Variants in ULK4 observed in about 807,000 individuals in gnomAD.
ULK4 encodes the protein unc-51 like kinase 4.
In ULK4, 133 loss-of-function variants were observed where a neutral mutation model predicts 160.6. The observed-to-expected ratio is 0.83, with a 90% confidence interval of 0.72 to 0.96. ULK4 has a LOEUF of 0.96. ULK4 is among the 40% of genes least tolerant of loss of function. The pLI is 0.00. For missense variants in ULK4, 1,580 were observed against 1,499.5 expected (o/e 1.05, Z -0.89); for synonymous variants, 534 against 539.8 (o/e 0.99, Z 0.15).
At chr3:41,859,394 A>C (rs544958980) in intron 17 of ULK4, 4 of 566,336 alleles carry the variant, frequency 7.1e-6, no homozygotes, top group African/African-American at 1.9e-5. Flanking sequence ...TCATTTGTCA[A>C]CTGTGGTCCA....
chr3:41,750,971 AAAGAGAGAGAGAG>A (rs1559526715), intron 22 of ULK4, among the ~76,000 whole-genome samples: 1 of 137,458 alleles, frequency 7.3e-6, no homozygotes, highest in Admixed American at 7.0e-5. Context: ...CAAAAAAAAA[AAAGAGAGAGAGAG>A]AAAGAGAGAG....
At chr3:41,833,369 C>G (rs2041656735) in intron 18 of ULK4, among the ~76,000 whole-genome samples, 1 of 151,394 alleles carries the variant, frequency 6.6e-6, no homozygotes, top group Non-Finnish European at 1.5e-5. Flanking sequence ...AATCTCGGCT[C>G]ACTGCAAACT....
At chr3:41,325,157 C>T (rs1474058633) in intron 35 of ULK4, among the ~76,000 whole-genome samples, 1 of 152,102 alleles carries the variant, frequency 6.6e-6, no homozygotes, top group Non-Finnish European at 1.5e-5. Flanking sequence ...TGACATCATA[C>T]GCTCAGTCCC....
At chr3:41,805,895 A>G (rs2040627790) in intron 19 of ULK4, among the ~76,000 whole-genome samples, 1 of 146,560 alleles carries the variant, frequency 6.8e-6, no homozygotes. Flanking sequence ...CCAGTATTTT[A>G]TTGAGGATTT....
intron 32 of ULK4, among the ~76,000 whole-genome samples, chr3:41,471,332 G>C (rs189934809): frequency 6.6e-6 from 1 of 152,192 alleles, no homozygotes; most frequent in East Asian, 1.9e-4. Flanking sequence ...CCCAACATCA[G>C]AGCACCAAAA....
At chr3:41,803,849 T>C (rs2040550330) in intron 19 of ULK4, among the ~76,000 whole-genome samples, 1 of 152,264 alleles carries the variant, frequency 6.6e-6, no homozygotes, top group Non-Finnish European at 1.5e-5. Context: ...TATTCCATGC[T>C]GTATATGTGC....
chr3:41,374,262 A>G (rs1014100770), intron 35 of ULK4, among the ~76,000 whole-genome samples: 1 of 152,218 alleles, frequency 6.6e-6, no homozygotes, highest in South Asian at 2.1e-4. Flanking sequence ...ACAGAAAAAG[A>G]GGGAATCCTC....
At chr3:41,596,420 G>C (rs1469886606) in intron 31 of ULK4, among the ~76,000 whole-genome samples, 1 of 152,192 alleles carries the variant, frequency 6.6e-6, no homozygotes, top group African/African-American at 2.4e-5. Flanking sequence ...AGATGAGTAA[G>C]ATACAGGGAA....
chr3:41,250,635 A>G (rs933324094), intron 35 of ULK4, among the ~76,000 whole-genome samples: 1 of 152,192 alleles, frequency 6.6e-6, no homozygotes, highest in African/African-American at 2.4e-5. Flanking sequence ...ACATTTTTTA[A>G]TCAACCACTC....
chr3:41,304,645 C>T (rs2079868791), intron 35 of ULK4, among the ~76,000 whole-genome samples: 1 of 152,206 alleles, frequency 6.6e-6, no homozygotes, highest in Non-Finnish European at 1.5e-5. Context: ...TAACCAATCA[C>T]CACTACTGCT....
intron 30 of ULK4, among the ~76,000 whole-genome samples, chr3:41,643,833 G>A (rs1325589545): frequency 6.6e-6 from 1 of 152,156 alleles, no homozygotes; most frequent in Non-Finnish European, 1.5e-5. Flanking sequence ...AGCATGGAAT[G>A]TTCTTCCATT....
At chr3:41,936,280 T>C in intron 3 of ULK4, among the ~76,000 whole-genome samples, 1 of 152,228 alleles carries the variant, frequency 6.6e-6, no homozygotes. Flanking sequence ...ATGCAAAGTA[T>C]AGTATCGTTT....
At chr3:41,648,026 C>T (rs1331306599) in intron 30 of ULK4, among the ~76,000 whole-genome samples, 2 of 152,332 alleles carry the variant, frequency 1.3e-5, no homozygotes, top group African/African-American at 2.4e-5. Context: ...TCTCGTGGTG[C>T]GCCATTTTTT....
At chr3:41,817,743 C>A (rs986614038) in intron 19 of ULK4, among the ~76,000 whole-genome samples, 2 of 152,100 alleles carry the variant, frequency 1.3e-5, no homozygotes, top group African/African-American at 2.4e-5. Flanking sequence ...AACAAACCTG[C>A]ACATGTACCC....
At chr3:41,890,584 G>A (rs113941228) in intron 16 of ULK4, among the ~76,000 whole-genome samples, 18,680 of 150,856 alleles carry the variant, frequency 0.12, 1,337 homozygotes, top group Middle Eastern at 0.27. Context: ...GGAGGCTGAG[G>A]CAGGAGAATC....
intron 33 of ULK4, among the ~76,000 whole-genome samples, chr3:41,458,510 G>A (rs2083606523): frequency 6.6e-6 from 1 of 152,020 alleles, no homozygotes; most frequent in African/African-American, 2.4e-5. Context: ...GCCGAGGCGG[G>A]TGGCCTGTCA....
chr3:41,676,373 G>T (rs1484145455), intron 29 of ULK4, among the ~76,000 whole-genome samples: 1 of 152,116 alleles, frequency 6.6e-6, no homozygotes, highest in Non-Finnish European at 1.5e-5. Context: ...AAATGGGTAG[G>T]TCATGGGAAA....
At chr3:41,833,073 T>C (rs1336441129) in intron 18 of ULK4, among the ~76,000 whole-genome samples, 1 of 152,174 alleles carries the variant, frequency 6.6e-6, no homozygotes, top group African/African-American at 2.4e-5. Context: ...GTGAAGAATG[T>C]CAATGGTAGT....
At chr3:41,901,358 T>C (rs1199533594) in intron 12 of ULK4, among the ~76,000 whole-genome samples, 3 of 151,478 alleles carry the variant, frequency 2.0e-5, no homozygotes, top group Non-Finnish European at 4.4e-5. Context: ...TTTTTTGTAT[T>C]TTTAGTAGAA....
Sources: gnomAD v4.1 joint callset for allele counts (sites outside exome capture counted in the v4.1 genomes callset) on GRCh38, gnomAD v4.1.1 for gene constraint, MANE v1.5 for transcripts, NCBI Gene and HGNC (gene_info 2026-07-23, HGNC 2026-07-21) for gene names.